Variants in ZMAT3 observed in about 807,000 individuals in gnomAD.
ZMAT3 encodes zinc finger matrin-type 3.
A neutral mutation model predicts 32.3 loss-of-function variants in ZMAT3; 17 were observed. The observed-to-expected ratio is 0.53, with a 90% CI of 0.36 to 0.79. The LOEUF (loss-of-function observed/expected upper bound fraction) is 0.79, where lower values mean the gene tolerates loss of function less well. Among genes scored for constraint, ZMAT3 ranks in the 30% least tolerant of loss-of-function variants. ZMAT3 has a pLI of 0.00. For missense variants in ZMAT3, 329 were observed against 359.7 expected (o/e 0.91, Z 0.69); for synonymous variants, 120 against 133.1 (o/e 0.90, Z 0.68).
chr3:179,023,751 C>T lies in ZMAT3; in HGVS notation c.*1266G>A, dbSNP rs1394591556. 4 of 73,708 alleles carry T rather than the reference C, an allele frequency of 5.4e-5. No homozygotes were observed. The highest frequency in any genetic ancestry group is 4.7e-4 in the East Asian group (1 of 2,148). 4.6% of individuals were successfully genotyped at this position (73,708 alleles called of 1,614,324 possible). ...TTTTTTTTTTTTTGAGACGGAGTCT[C>T]GCTCTGTCACCCAGGCTGGAGTGCA... On this transcript the variant is annotated 3_prime_UTR_variant, in exon 6 of 6. Coordinates refer to ENST00000311417, the MANE Select transcript of ZMAT3 (RefSeq NM_022470.4).
At chr3:179,069,295 T>C (rs1262836001) in intron 1 of ZMAT3, among the ~76,000 whole-genome samples, 2 of 152,040 alleles carry the variant, frequency 1.3e-5, no homozygotes, top group Non-Finnish European at 2.9e-5. Flanking sequence ...AGACCCAAAA[T>C]GTTCCTCTCC....
intron 1 of ZMAT3, among the ~76,000 whole-genome samples, chr3:179,070,114 G>T (rs558183363): frequency 2.1e-5 from 3 of 141,286 alleles, no homozygotes; most frequent in Admixed American, 1.4e-4. Flanking sequence ...GTGAAAAGGT[G>T]GGGGGGGGTG....
rs905764893 is a variant in ZMAT3 at position 179,046,505 on chromosome 3, C to T, written c.271-15506G>A. Among the ~76,000 whole-genome samples the T allele has an allele frequency of 1.3e-5, 2 of 152,186 alleles. No homozygotes were observed. Among genetic ancestry groups the T allele is most frequent in the African/African-American group, 4.8e-5 (2 of 41,444 alleles). On this transcript the variant is annotated intron_variant, in intron 2 of 5. Coordinates refer to ENST00000311417, the MANE Select transcript of ZMAT3 (RefSeq NM_022470.4). This position sits in a 1 kb window ranked among gnomAD's most constrained non-coding sequence, Gnocchi z 4.3. ...ATACCAGGAAAGCGGAGGGTATTCA[C>T]AGGCCCTTTGAAGGAGGCGGATTGC...
chr3:179,052,354 A>G (rs983557064), intron 2 of ZMAT3, among the ~76,000 whole-genome samples: 6 of 152,246 alleles, frequency 3.9e-5, no homozygotes, highest in African/African-American at 1.4e-4. Context: ...GACAATTCTC[A>G]AAAGAAGATA....
In ZMAT3 at chr3:179,023,258, G is replaced by A. The variant is rs767204304; in HGVS notation, c.*1759C>T. On this transcript the variant is annotated 3_prime_UTR_variant, in exon 6 of 6. Coordinates refer to ENST00000311417, the MANE Select transcript of ZMAT3 (RefSeq NM_022470.4). ...GCTGACTGCAACCTCCACCTCCTGG[G>A]TTCATACAACTTCTTATTTTAAACG... is the stretch of plus-strand genomic sequence containing the variant. 1 of 151,026 alleles carries A rather than the reference G, an allele frequency of 6.6e-6. No homozygotes were observed. Among genetic ancestry groups the A allele is most frequent in the Non-Finnish European group, 1.5e-5 (1 of 67,948 alleles). 9.4% of individuals were successfully genotyped at this position (151,026 alleles called of 1,614,324 possible). A position where few individuals can be genotyped will look rare whatever the true frequency, so the allele number is the denominator to read the frequency against.
intron 2 of ZMAT3, among the ~76,000 whole-genome samples, chr3:179,053,470 G>A (rs1303862930): frequency 6.6e-6 from 1 of 152,088 alleles, no homozygotes; most frequent in Non-Finnish European, 1.5e-5. Flanking sequence ...AATAATTATT[G>A]CAGACAAGAA....
chr3:179,041,585 G>A (rs1309058732), intron 2 of ZMAT3, among the ~76,000 whole-genome samples: 1 of 152,230 alleles, frequency 6.6e-6, no homozygotes, highest in Non-Finnish European at 1.5e-5. Context: ...TTAAAGCAGT[G>A]TGGTAGAGGG....
chr3:179,062,211 C>T (rs1038610786), intron 2 of ZMAT3, among the ~76,000 whole-genome samples: 2 of 151,952 alleles, frequency 1.3e-5, no homozygotes, highest in African/African-American at 2.4e-5. Context: ...ACCATTTCAG[C>T]GGCCTATAGG....
intron 2 of ZMAT3, among the ~76,000 whole-genome samples, chr3:179,038,142 G>C (rs1056381004): frequency 4.6e-5 from 7 of 152,238 alleles, no homozygotes; most frequent in African/African-American, 1.4e-4. Context: ...AAAGGGGGAA[G>C]AGCTGGGCAT....
intron 2 of ZMAT3, among the ~76,000 whole-genome samples, chr3:179,051,009 G>A (rs1353125377): frequency 6.6e-6 from 1 of 152,136 alleles, no homozygotes; most frequent in Non-Finnish European, 1.5e-5. Context: ...AGCCATCTAT[G>A]ACAAACCCAC....
Position 179,027,669 on chromosome 3 carries a change from C to T in ZMAT3, c.534G>A (p.Ala178=), listed in dbSNP as rs758464530. The change falls in exon 4 of 6, where the codon GCG becomes GCA. Residue 178 remains alanine (A), a synonymous_variant. Coordinates refer to ENST00000311417, the MANE Select transcript of ZMAT3 (RefSeq NM_022470.4). The stretch of plus-strand genomic sequence containing the variant: ...ACGAGAATGAGTTACTCTGAGCTTC[C>T]GCCAGCCGCAGCCTCTTGGCATGAT... ...GKNHAKRLRL[A]EAQSNSFSES... is the part of the protein sequence containing the mutation. The T allele has an allele frequency of 1.4e-5, 22 of 1,614,034 alleles. No homozygotes were observed. The South Asian group carries it at 2.0e-4, about 14-fold the overall frequency.
chr3:179,023,609 T>C lies in ZMAT3; in HGVS notation c.*1408A>G, dbSNP rs185381397. The C allele has an allele frequency of 8.4e-4, 119 of 141,830 alleles. 2 individuals are homozygous for C. Among genetic ancestry groups the C allele is most frequent in the Middle Eastern group, 3.6e-3 (1 of 278 alleles). 8.8% of individuals were successfully genotyped at this position (141,830 alleles called of 1,614,324 possible). On this transcript the variant is annotated 3_prime_UTR_variant, in exon 6 of 6. Coordinates refer to ENST00000311417, the MANE Select transcript of ZMAT3 (RefSeq NM_022470.4). ...TCTGAACTTATGGTTTAGATCATGA[T>C]ATAAGCGCATGTTACTATCAATGAA...
In ZMAT3 at chr3:179,030,869, A is replaced by G; in HGVS notation, c.390+11T>C. 5.6e-6 allele frequency: 9 copies of G among 1,606,524 alleles called. No individual in the cohort carries two copies. The highest frequency in any genetic ancestry group is 7.6e-6 in the Non-Finnish European group (9 of 1,176,856). On this transcript the variant is annotated intron_variant, in intron 3 of 5. Transcript: ENST00000311417. ...CCCTAATGCTGCTTCACCCTGACAC[A>G]CATGTCTCACCTGCGGAGGGACTGG...
At chr3:179,030,454 G>A (rs1217221626) in intron 3 of ZMAT3, among the ~76,000 whole-genome samples, 5 of 150,224 alleles carry the variant, frequency 3.3e-5, no homozygotes, top group Admixed American at 6.7e-5. Flanking sequence ...TCCCGGGTTC[G>A]CACCTTTCTC....
At chr3:179,030,748 A>G in intron 3 of ZMAT3, 132 bp downstream of exon 3, 1 of 1,378,146 alleles carries the variant, frequency 7.3e-7, no homozygotes, top group African/African-American at 1.5e-5. Flanking sequence ...AAAAGTACCA[A>G]GCAGCATCTT....
At chr3:179,054,186 C>T (rs1328004364) in intron 2 of ZMAT3, among the ~76,000 whole-genome samples, 1 of 152,198 alleles carries the variant, frequency 6.6e-6, no homozygotes, top group Non-Finnish European at 1.5e-5. Flanking sequence ...AATCTGGTTC[C>T]ACTGCACCTT....
intron 1 of ZMAT3, 82 bp downstream of exon 1, chr3:179,071,513 A>C (rs1336779004): frequency 1.3e-5 from 2 of 152,248 alleles, no homozygotes; most frequent in African/African-American, 4.8e-5. Context: ...AGATGGAAAG[A>C]GCATCGGAAA....
chr3:179,033,001 T>C (rs576027136), intron 2 of ZMAT3, among the ~76,000 whole-genome samples: 35 of 152,326 alleles, frequency 2.3e-4, no homozygotes, highest in South Asian at 2.3e-3. Context: ...CAACAGCTCA[T>C]TGAGAACGGG....
intron 2 of ZMAT3, among the ~76,000 whole-genome samples, chr3:179,065,880 T>C (rs1721390049): frequency 6.6e-6 from 1 of 152,130 alleles, no homozygotes; most frequent in South Asian, 2.1e-4. Flanking sequence ...CACTCCAGCC[T>C]GGGCAACAGA....
Sources: gnomAD v4.1 joint callset for allele counts (sites outside exome capture counted in the v4.1 genomes callset) on GRCh38, gnomAD v4.1.1 for gene constraint, Gnocchi (gnomAD v3.1) non-coding constraint, MANE v1.5 for transcripts, NCBI Gene and HGNC (gene_info 2026-07-23, HGNC 2026-07-21) for gene names.